AGAP3: variants seen among roughly 807,000 people sequenced by gnomAD.
The protein encoded by AGAP3 is arf-GAP with GTPase, ANK repeat and PH domain-containing protein 3.
Under a neutral mutation model 96.9 loss-of-function variants are expected in AGAP3, and 24 were observed. The observed-to-expected ratio is 0.25, with a 90% confidence interval of 0.18 to 0.35. The LOEUF is 0.35. Ranked by LOEUF, AGAP3 falls within the 10% of genes least tolerant of loss-of-function variation. The pLI, the probability that AGAP3 is intolerant of heterozygous loss-of-function variation, is 1.00. For missense variants in AGAP3, 876 were observed against 1,254.2 expected, an observed-to-expected ratio of 0.70 and a Z score of 4.55; for synonymous variants, 563 against 536.1, an observed-to-expected ratio of 1.05 and a Z score of -0.69.
At chr7:151,091,275 C>T (rs2150404669) in intron 1 of AGAP3, among the ~76,000 whole-genome samples, 1 of 152,348 alleles carries the variant, frequency 6.6e-6, no homozygotes, top group African/African-American at 2.4e-5. Flanking sequence ...CCAGCCCAGG[C>T]CCCTCTGGCA....
intron 9 of AGAP3, among the ~76,000 whole-genome samples, chr7:151,125,341 A>C (rs911467760): frequency 2.0e-5 from 3 of 152,206 alleles, no homozygotes; most frequent in Non-Finnish European, 2.9e-5. Context: ...AATCCCTCAC[A>C]TGGGAAGGAA....
Position 151,108,443 on chromosome 7 carries a change from C to G in AGAP3, c.332-8350C>G, listed in dbSNP as rs1799147477. ...GTGGCTCTCTCTGCCACCCGCACCC[C>G]CACCAGCACCTCTGCCGCCTTCTCT... On this transcript the variant is annotated intron_variant, in intron 1 of 17. Transcript: ENST00000397238. The surrounding 1 kb of genome is among the most constrained non-coding windows in gnomAD (Gnocchi z 4.2). Among the ~76,000 whole-genome samples the G allele has an allele frequency of 6.6e-6, 1 of 152,204 alleles. No individual in the cohort carries two copies. The highest frequency in any genetic ancestry group is 1.5e-5 in the Non-Finnish European group (1 of 68,030).
intron 1 of AGAP3, among the ~76,000 whole-genome samples, chr7:151,102,206 C>G (rs1798858049): frequency 6.6e-6 from 1 of 152,236 alleles, no homozygotes; most frequent in Non-Finnish European, 1.5e-5. Flanking sequence ...GGTTTCTGCG[C>G]AGTGGCCTGG....
intron 5 of AGAP3, 49 bp downstream of exon 5, chr7:151,117,826 A>G (rs371121820): frequency 4.5e-6 from 7 of 1,566,974 alleles, no homozygotes; most frequent in Non-Finnish European, 5.2e-6. Flanking sequence ...AGTCCCGGGC[A>G]ACGATGCATG....
chr7:151,091,231 G>T (rs879932886), intron 1 of AGAP3, among the ~76,000 whole-genome samples: 2 of 152,232 alleles, frequency 1.3e-5, no homozygotes, highest in African/African-American at 2.4e-5. Flanking sequence ...GACTGGGGGG[G>T]TCTGGGATGG....
chr7:151,128,415 G>A (rs2150508534), intron 9 of AGAP3, 165 bp from the exon 10 acceptor site: 1 of 598,264 alleles, frequency 1.7e-6, no homozygotes, highest in Admixed American at 2.7e-5. Context: ...ACTGGTCTAA[G>A]GGGCCTTCCC....
At chr7:151,092,430 C>T (rs564264100) in intron 1 of AGAP3, among the ~76,000 whole-genome samples, 2 of 152,260 alleles carry the variant, frequency 1.3e-5, no homozygotes, top group South Asian at 4.1e-4. Context: ...TCCTCCTGAC[C>T]CCTAGCTGAC....
At chr7:151,123,386 T>C in intron 8 of AGAP3, 2 of 1,070,218 alleles carry the variant, frequency 1.9e-6, no homozygotes, top group Non-Finnish European at 2.3e-6. Flanking sequence ...TGCCGTGTGG[T>C]GTCTGTGCCG....
rs767827255 is a variant in AGAP3 at position 151,143,402 on chromosome 7, C to T, written c.2335C>T (p.Pro779Ser). The change falls in exon 17 of 18, where the codon CCA becomes TCA. Residue 779 changes from proline (P) to serine (S), a missense_variant. By Grantham distance (74) the Pro-to-Ser change is moderately conservative. Coordinates refer to ENST00000397238, the MANE Select transcript of AGAP3 (RefSeq NM_031946.7). The surrounding 1 kb of genome is among the most constrained non-coding windows in gnomAD (Gnocchi z 5.9). ...ACAGAAGCTCTTCCTGGCCCCACTG[C>T]CAAGCTCAGATGTGCCACTGGGGCA... ...YEQKLFLAPL[P>S]SSDVPLGQQL... The T allele has an allele frequency of 1.2e-6, 2 of 1,614,226 alleles. No homozygotes were observed. The highest frequency in any genetic ancestry group is 1.3e-5 in the African/African-American group (1 of 75,050).
chr7:151,132,189 T>C (rs968127906), intron 10 of AGAP3, among the ~76,000 whole-genome samples: 9 of 152,118 alleles, frequency 5.9e-5, no homozygotes, highest in African/African-American at 2.2e-4. Context: ...GGCTCCTGGG[T>C]CTGCTTCCTT....
intron 1 of AGAP3, among the ~76,000 whole-genome samples, chr7:151,107,217 G>C (rs1431963441): frequency 6.6e-6 from 1 of 152,088 alleles, no homozygotes; most frequent in African/African-American, 2.4e-5. Context: ...GGCTGAGGCA[G>C]GAGAATCACT....
chr7:151,123,018 A>T (rs1166380013), intron 8 of AGAP3: 1 of 1,382,062 alleles, frequency 7.2e-7, no homozygotes, highest in Non-Finnish European at 9.3e-7. Flanking sequence ...GGCTCGCTGC[A>T]TGGAGAAGAA....
Position 151,128,575 on chromosome 7 carries a change from C to T in AGAP3, c.1222-5C>T, listed in dbSNP as rs1800275908. On this transcript the variant is annotated splice_polypyrimidine_tract_variant and splice_region_variant and intron_variant, in intron 9 of 17. Coordinates refer to ENST00000397238, the MANE Select transcript of AGAP3 (RefSeq NM_031946.7). ...CCTGGTTTCTGATCAGACCTCTGTT[C>T]TCAGGGGATCCTGCTAAAGCGGAGC... 2 of 1,613,278 alleles carry T rather than the reference C, an allele frequency of 1.2e-6. No homozygotes were observed. Among genetic ancestry groups the T allele is most frequent in the African/African-American group, 1.3e-5 (1 of 74,914 alleles).
rs146692781 is a variant in AGAP3, at chr7:151,125,028, G to A, written c.1221+1142G>A. 2.5e-3 allele frequency among the ~76,000 whole-genome samples: 382 copies of A among 152,318 alleles called. 2 individuals carry two copies. Among genetic ancestry groups the A allele is most frequent in the African/African-American group, 8.9e-3 (369 of 41,584 alleles). On this transcript the variant is annotated intron_variant, in intron 9 of 17. Coordinates refer to ENST00000397238, the MANE Select transcript of AGAP3 (RefSeq NM_031946.7). ...CAGCCAGAGGCTTCCCTGTTCGTTC[G>A]CGGAGTGCGTGTGTATGTGTGTCTT...
Position 151,117,718 on chromosome 7 carries a change from T to C in AGAP3, c.647T>C (p.Leu216Pro). 1.9e-6 allele frequency: 3 copies of C among 1,614,194 alleles called. No individual in the cohort carries two copies. The South Asian group carries it at 3.3e-5, about 18-fold the overall frequency. The change falls in exon 5 of 18, where the codon CTG (leucine) becomes CCG (proline). Residue 216 changes from leucine (L) to proline (P), a missense_variant. Physicochemically the swap from Leu to Pro is moderately conservative, Grantham distance 98. Around this residue, in one of 8 missense-constraint regions of AGAP3, gnomAD observed 131 missense variants for 304.5 expected, o/e 0.43. Coordinates refer to ENST00000397238, the MANE Select transcript of AGAP3 (RefSeq NM_031946.7). ...TTCCAGACGGTGTACAACTACTTCC[T>C]GCGTCTCTGCAGCTTCCGCAACGCC... is the stretch of plus-strand genomic sequence containing the variant. ...ISFQTVYNYF[L>P]RLCSFRNASE...
At chr7:151,116,892 G>C (rs1563471618) in intron 2 of AGAP3, 41 bp downstream of exon 2, 15 of 1,612,486 alleles carry the variant, frequency 9.3e-6, no homozygotes, top group Non-Finnish European at 1.3e-5. Context: ...CCTGGAGCTG[G>C]GGGGGCGAGG....
chr7:151,142,479 C>G lies in AGAP3; in HGVS notation c.2118C>G (p.His706Gln), dbSNP rs370278778. ...MCIECSGIHR[H>Q]LGAHLSRVRS... ...TTGAGTGCTCAGGCATCCACCGACA[C>G]CTGGGGGCTCACCTGTCCCGGGTGC... The change falls in exon 16 of 18, where the codon CAC becomes CAG. Residue 706 changes from histidine (H) to glutamine (Q), a missense_variant. Around this residue, in one of 8 missense-constraint regions of AGAP3, gnomAD observed 103 missense variants for 183.0 expected, o/e 0.56. Transcript: ENST00000397238. This position sits in a 1 kb window ranked among gnomAD's most constrained non-coding sequence, Gnocchi z 7.5. 8.1e-6 allele frequency: 13 copies of G among 1,613,894 alleles called. No individual in the cohort carries two copies. The highest frequency in any genetic ancestry group is 2.7e-5 in the African/African-American group (2 of 74,962).
At chr7:151,127,656 A>G (rs1800233908) in intron 9 of AGAP3, among the ~76,000 whole-genome samples, 1 of 152,118 alleles carries the variant, frequency 6.6e-6, no homozygotes, top group South Asian at 2.1e-4. Context: ...CCCGCCTCCC[A>G]TTCCCAGCTG....
Position 151,133,262 on chromosome 7 carries a change from C to G in AGAP3, c.1327-1138C>G, listed in dbSNP as rs899434989. Among the ~76,000 whole-genome samples, 3 of 152,172 alleles carry G rather than the reference C, an allele frequency of 2.0e-5. No individual in the cohort carries two copies. On this transcript the variant is annotated intron_variant, in intron 10 of 17. Transcript: ENST00000397238. This position sits in a 1 kb window ranked among gnomAD's most constrained non-coding sequence, Gnocchi z 5.4. ...ATTGGCTAGGAATTGCCGTGGAGCT[C>G]AGGGACAGTGACAGGGACAGGGAAG...
Sources: gnomAD v4.1 joint callset for allele counts (sites outside exome capture counted in the v4.1 genomes callset) on GRCh38, gnomAD v4.1.1 for gene constraint, gnomAD v4.1.1 regional missense constraint, Gnocchi (gnomAD v3.1) non-coding constraint, MANE v1.5 for transcripts, NCBI Gene and HGNC (gene_info 2026-07-23, HGNC 2026-07-21) for gene names.